BZW2: variants seen among roughly 807,000 people sequenced by gnomAD.
BZW2 encodes the protein eIF5-mimic protein 1.
In BZW2, 23 loss-of-function variants were observed where a neutral mutation model predicts 53.2. That is an observed-to-expected ratio of 0.43 (90% CI 0.31 to 0.61). The LOEUF (loss-of-function observed/expected upper bound fraction) is 0.61, where lower values mean the gene tolerates loss of function less well. BZW2 is among the 20% of genes least tolerant of loss of function. The pLI is 0.09. For missense variants in BZW2, 409 were observed against 503.1 expected, an observed-to-expected ratio of 0.81 and a Z score of 1.79; for synonymous variants, 227 against 186.4, an observed-to-expected ratio of 1.22 and a Z score of -1.77.
intron 6 of BZW2, among the ~76,000 whole-genome samples, chr7:16,687,711 A>G (rs1025084404): frequency 3.3e-5 from 5 of 152,080 alleles, no homozygotes; most frequent in Non-Finnish European, 7.4e-5. Context: ...ACAGAGAAAG[A>G]CTATCTAAAA....
intron 1 of BZW2, among the ~76,000 whole-genome samples, chr7:16,653,100 G>A (rs1347459853): frequency 1.3e-5 from 2 of 151,968 alleles, no homozygotes; most frequent in Non-Finnish European, 2.9e-5. Flanking sequence ...GGCTTGGGCA[G>A]GTCCCCTTCT....
At chr7:16,647,224 G>A (rs1001640799) in intron 1 of BZW2, among the ~76,000 whole-genome samples, 4 of 152,134 alleles carry the variant, frequency 2.6e-5, no homozygotes, top group African/African-American at 9.7e-5. Context: ...TAGTGTTTAT[G>A]TTTTACTGTT....
At chr7:16,696,731 G>C (rs952674915) in intron 8 of BZW2, among the ~76,000 whole-genome samples, 184 bp from the exon 9 acceptor site, 16 of 152,124 alleles carry the variant, frequency 1.1e-4, no homozygotes, top group Admixed American at 4.6e-4. Flanking sequence ...AAATAAATTT[G>C]CTTTGAGAAC....
At chr7:16,672,567 A>C (rs556554377) in intron 2 of BZW2, among the ~76,000 whole-genome samples, 1 of 151,970 alleles carries the variant, frequency 6.6e-6, no homozygotes, top group South Asian at 2.1e-4. Flanking sequence ...TTTCTTTTGA[A>C]GTTTTGGGTT....
intron 7 of BZW2, among the ~76,000 whole-genome samples, chr7:16,694,350 G>C (rs1014212901): frequency 1.5e-4 from 23 of 152,190 alleles, no homozygotes; most frequent in African/African-American, 5.6e-4. Context: ...TAAGTCCCAT[G>C]TCAAGGGGCT....
chr7:16,686,148 C>A (rs981850432), intron 6 of BZW2, 108 bp downstream of exon 6: 6 of 1,468,662 alleles, frequency 4.1e-6, no homozygotes, highest in Non-Finnish European at 5.6e-6. Flanking sequence ...ATTACTCATT[C>A]TTCATTTAAG....
In BZW2 at chr7:16,666,030, T is replaced by A. The variant is rs1339264993; in HGVS notation, c.58+529T>A. ...CCATTTTGATGATGACTGGTAAAAT[T>A]TCTATTTGTGTGAGTGACTGTTTTT... On this transcript the variant is annotated intron_variant, in intron 2 of 11. Transcript: ENST00000258761. Among the ~76,000 whole-genome samples the A allele has an allele frequency of 2.0e-5, 3 of 152,114 alleles. No homozygotes were observed. In the East Asian group the frequency reaches 5.8e-4, roughly 29 times the overall value.
intron 2 of BZW2, among the ~76,000 whole-genome samples, chr7:16,671,570 A>G (rs529332893): frequency 2.1e-4 from 32 of 152,116 alleles, no homozygotes; most frequent in African/African-American, 7.0e-4. Context: ...CTCTTCAGTT[A>G]TTATCCATTT....
At chr7:16,678,182 G>A (rs1411420781) in intron 3 of BZW2, among the ~76,000 whole-genome samples, 4 of 143,998 alleles carry the variant, frequency 2.8e-5, no homozygotes, top group East Asian at 2.1e-4. Context: ...CAATTATCTC[G>A]AGTAGCCGGG....
At chr7:16,655,121 CTGAA>C (rs1407926639) in intron 1 of BZW2, among the ~76,000 whole-genome samples, 1 of 152,138 alleles carries the variant, frequency 6.6e-6, no homozygotes, top group Non-Finnish European at 1.5e-5. Flanking sequence ...GGATTAGACT[CTGAA>C]TGATCTCTGG....
intron 3 of BZW2, among the ~76,000 whole-genome samples, chr7:16,679,851 C>T (rs1006785086): frequency 5.9e-5 from 9 of 152,234 alleles, no homozygotes; most frequent in Admixed American, 1.3e-4. Context: ...TTAATTACAA[C>T]GAAGTAAAAT....
At chr7:16,647,783 G>GTTTTTT (rs1781904059) in intron 1 of BZW2, among the ~76,000 whole-genome samples, 1 of 152,176 alleles carries the variant, frequency 6.6e-6, no homozygotes, top group Non-Finnish European at 1.5e-5. Flanking sequence ...CAGTTGAGTG[G>GTTTTTT]TAACCTCCTG....
At chr7:16,667,613 C>G (rs1217138186) in intron 2 of BZW2, among the ~76,000 whole-genome samples, 1 of 152,134 alleles carries the variant, frequency 6.6e-6, no homozygotes, top group Non-Finnish European at 1.5e-5. Context: ...TCATTTGGAT[C>G]AGAAGAGTTT....
At chr7:16,675,698 G>C (rs930754003) in intron 3 of BZW2, among the ~76,000 whole-genome samples, 5 of 152,174 alleles carry the variant, frequency 3.3e-5, no homozygotes, top group African/African-American at 1.2e-4. Context: ...AATAATTCAA[G>C]TCTAAGTATA....
intron 2 of BZW2, among the ~76,000 whole-genome samples, chr7:16,669,947 C>G (rs1284296817): frequency 3.3e-5 from 5 of 152,202 alleles, no homozygotes; most frequent in Non-Finnish European, 7.3e-5. Context: ...AGACTGTCCT[C>G]TAATAAAATG....
chr7:16,698,330 C>T, intron 10 of BZW2, 144 bp downstream of exon 10: 1 of 1,113,960 alleles, frequency 9.0e-7, no homozygotes, highest in Non-Finnish European at 1.3e-6. Context: ...TTTATTGAGG[C>T]AACCATACCA....
intron 3 of BZW2, among the ~76,000 whole-genome samples, chr7:16,679,356 G>A (rs558221730): frequency 1.3e-5 from 2 of 152,272 alleles, no homozygotes; most frequent in South Asian, 2.1e-4. Flanking sequence ...GGCTTCAGCC[G>A]GTCCCTCCGT....
chr7:16,678,112 T>TTTTTTTTTTTA (rs1554266839), intron 3 of BZW2, among the ~76,000 whole-genome samples: 1 of 143,664 alleles, frequency 7.0e-6, no homozygotes, highest in African/African-American at 2.7e-5. Flanking sequence ...TTTTTTTTTT[T>TTTTTTTTTTTA]AATGCTGTCG....
At chr7:16,669,548 G>C in intron 2 of BZW2, among the ~76,000 whole-genome samples, 1 of 152,150 alleles carries the variant, frequency 6.6e-6, no homozygotes, top group East Asian at 1.9e-4. Context: ...TATATAATTA[G>C]AAAATACATT....
Sources: allele counts gnomAD v4.1 joint callset (sites outside exome capture counted in the v4.1 genomes callset), GRCh38; gene constraint gnomAD v4.1.1; transcripts MANE v1.5; gene names NCBI Gene and HGNC (gene_info 2026-07-23, HGNC 2026-07-21).